Variants in CPEB1 observed in about 807,000 individuals in gnomAD.
CPEB1 encodes the protein cytoplasmic polyadenylation element binding protein 1.
Under a neutral mutation model 65.8 loss-of-function variants are expected in CPEB1, and 7 were observed. The ratio of observed to expected loss-of-function variants is 0.11; its 90% CI spans 0.06 to 0.20. CPEB1 has a LOEUF of 0.20. CPEB1 is among the 10% of genes least tolerant of loss of function. CPEB1 has a pLI of 1.00. For missense variants in CPEB1, 551 were observed against 712.2 expected, an observed-to-expected ratio of 0.77 and a Z score of 2.58; for synonymous variants, 262 against 260.0, an observed-to-expected ratio of 1.01 and a Z score of -0.08.
chr15:82,547,117 G>A, intron 11 of CPEB1, 26 bp downstream of exon 11: 1 of 1,533,888 alleles, frequency 6.5e-7, no homozygotes, highest in African/African-American at 1.4e-5. Context: ...ATACCCCAGA[G>A]TAAGGGCATA....
chr15:82,592,761 C>T (rs2042360467), intron 3 of CPEB1, among the ~76,000 whole-genome samples: 1 of 151,932 alleles, frequency 6.6e-6, no homozygotes. Flanking sequence ...GGCCAAAGTG[C>T]CGAGGTGGGC....
chr15:82,584,922 T>TTTTTTTTTTTTTA (rs2041655554), intron 3 of CPEB1, among the ~76,000 whole-genome samples: 2 of 143,318 alleles, frequency 1.4e-5, no homozygotes, highest in African/African-American at 2.6e-5. Flanking sequence ...TTTTTTTTTT[T>TTTTTTTTTTTTTA]ACAGTGAACA....
At chr15:82,635,762 G>GA (rs1397791012) in intron 1 of CPEB1, among the ~76,000 whole-genome samples, 1 of 152,108 alleles carries the variant, frequency 6.6e-6, no homozygotes, top group Non-Finnish European at 1.5e-5. Flanking sequence ...TAGAAGAGAG[G>GA]AATAAAGTAG....
chr15:82,558,252 C>T (rs1198128452), intron 4 of CPEB1, among the ~76,000 whole-genome samples: 1 of 152,198 alleles, frequency 6.6e-6, no homozygotes, highest in Non-Finnish European at 1.5e-5. Flanking sequence ...ACTACCCAGG[C>T]TTAAAAGGTC....
intron 3 of CPEB1, among the ~76,000 whole-genome samples, chr15:82,620,411 CAA>C (rs2045196666): frequency 7.3e-6 from 1 of 136,444 alleles, no homozygotes; most frequent in Non-Finnish European, 1.5e-5. Flanking sequence ...GGCGACAGAG[CAA>C]GACTCTGTCT....
chr15:82,624,055 T>C (rs2045543827), intron 3 of CPEB1, among the ~76,000 whole-genome samples: 1 of 152,246 alleles, frequency 6.6e-6, no homozygotes, highest in Admixed American at 6.5e-5. Context: ...AAGTTTGGGT[T>C]ATTTCTTAAG....
intron 3 of CPEB1, among the ~76,000 whole-genome samples, chr15:82,606,542 G>C (rs1243547177): frequency 1.7e-5 from 2 of 118,222 alleles, no homozygotes; most frequent in Non-Finnish European, 3.6e-5. Flanking sequence ...AGTAAGGCCG[G>C]GCGCGGTGGC....
intron 3 of CPEB1, among the ~76,000 whole-genome samples, chr15:82,584,763 C>G (rs181391523): frequency 8.1e-4 from 119 of 146,458 alleles, no homozygotes; most frequent in African/African-American, 2.9e-3. Flanking sequence ...AAAAAATTAA[C>G]ACAAAGATAA....
chr15:82,586,537 C>T lies in CPEB1; in HGVS notation c.272-15005G>A, dbSNP rs138527289. 7.2e-4 allele frequency among the ~76,000 whole-genome samples: 109 copies of T among 152,300 alleles called. 1 individual carries two copies. Among genetic ancestry groups the T allele is most frequent in the African/African-American group, 2.5e-3 (102 of 41,566 alleles). ...AATAAATTTGATCTCTCCTTCTCTGCGTTTTTGGTCAGAACCAAAAGTTAC... is the reference window on the plus strand; with the variant it reads ...AATAAATTTGATCTCTCCTTCTCTGTGTTTTTGGTCAGAACCAAAAGTTAC... On this transcript the variant is annotated intron_variant, in intron 3 of 12. Coordinates refer to ENST00000684509, the MANE Select transcript of CPEB1 (RefSeq NM_001365242.1).
chr15:82,638,825 T>C (rs1219679234), intron 1 of CPEB1, among the ~76,000 whole-genome samples: 1 of 152,208 alleles, frequency 6.6e-6, no homozygotes, highest in Non-Finnish European at 1.5e-5. Context: ...ATTTTACTGC[T>C]TCCTCAAGGA....
intron 1 of CPEB1, among the ~76,000 whole-genome samples, chr15:82,643,391 G>A (rs1473241058): frequency 6.6e-6 from 1 of 152,184 alleles, no homozygotes; most frequent in Non-Finnish European, 1.5e-5. Context: ...CAGCACTGTG[G>A]GAGGCTGAGG....
intron 11 of CPEB1, 133 bp downstream of exon 11, chr15:82,547,010 T>C: frequency 1.6e-6 from 1 of 631,934 alleles, no homozygotes; most frequent in South Asian, 2.0e-5. Context: ...TCAATGTTAA[T>C]TCTCAGGAAT....
At position 82,609,638 on chromosome 15, in the gene CPEB1, TA is replaced by T. The variant is rs796133111; in HGVS notation, c.271+17554del. On this transcript the variant is annotated intron_variant, in intron 3 of 12. Transcript: ENST00000684509. Reference sequence around the variant, plus strand: ...GTCGAAATAATGTCTAGAAAAACTATAAAAAAAAAAAACAGAAGTTGGTTCT... The same window carrying T: ...GTCGAAATAATGTCTAGAAAAACTATAAAAAAAAAAACAGAAGTTGGTTCT... Among the ~76,000 whole-genome samples, 398 of 136,522 alleles carry T rather than the reference TA, an allele frequency of 2.9e-3. 4 individuals are homozygous for T. Among genetic ancestry groups the T allele is most frequent in the South Asian group, 0.017 (72 of 4,306 alleles). The allele number at this position is 136,522 out of a possible 152,430, so 89.6% of individuals were successfully genotyped here.
At chr15:82,625,398 T>G (rs1245438209) in intron 3 of CPEB1, among the ~76,000 whole-genome samples, 1 of 152,092 alleles carries the variant, frequency 6.6e-6, no homozygotes, top group African/African-American at 2.4e-5. Context: ...CCTCAAACAT[T>G]ACGCTATTTA....
At chr15:82,573,003 G>T in intron 3 of CPEB1, 1 of 1,522,582 alleles carries the variant, frequency 6.6e-7, no homozygotes, top group Non-Finnish European at 8.8e-7. Flanking sequence ...CACCAGGCAG[G>T]CTGCTCAAAC....
rs1039124162 is a variant in CPEB1 at position 82,553,741 on chromosome 15, C to A, written c.1054+137G>T. 27 of 758,540 alleles carry A rather than the reference C, an allele frequency of 3.6e-5. 1 individual carries two copies. The highest frequency in any genetic ancestry group is 5.0e-5 in the Non-Finnish European group (22 of 436,298). The allele number at this position is 758,540 out of a possible 1,614,324, so 47.0% of individuals were successfully genotyped here. A position where few individuals can be genotyped will look rare whatever the true frequency, so the allele number is the denominator to read the frequency against. On this transcript the variant is annotated intron_variant, in intron 7 of 12. Transcript: ENST00000684509. Reference sequence around the variant, plus strand: ...GCACTATGGGGGTCTATGAAATGCACCTCTCCCCTCAGACACTCATGTAAT... The same window carrying A: ...GCACTATGGGGGTCTATGAAATGCAACTCTCCCCTCAGACACTCATGTAAT...
intron 10 of CPEB1, among the ~76,000 whole-genome samples, chr15:82,548,022 G>T (rs1043560287): frequency 6.6e-6 from 1 of 152,172 alleles, no homozygotes; most frequent in African/African-American, 2.4e-5. Context: ...TTTTAAAACA[G>T]TGGTGACATT....
rs957780283 is a variant in CPEB1, at chr15:82,549,380, A to C, written c.1480+80T>G. On this transcript the variant is annotated intron_variant, in intron 10 of 12. Coordinates refer to ENST00000684509, the MANE Select transcript of CPEB1 (RefSeq NM_001365242.1). ...AGACCTGGGTCAGGCCTCTCTCCTCACTCCCATGGGGAAGTATCACAATCT... is the reference window on the plus strand; with the variant it reads ...AGACCTGGGTCAGGCCTCTCTCCTCCCTCCCATGGGGAAGTATCACAATCT... 3.4e-6 allele frequency: 5 copies of C among 1,460,002 alleles called. No homozygotes were observed. In the Admixed American group the frequency reaches 5.2e-5, roughly 15 times the overall value. The allele number at this position is 1,460,002 out of a possible 1,614,324, so 90.4% of individuals were successfully genotyped here.
intron 3 of CPEB1, chr15:82,571,825 A>G: frequency 1.6e-6 from 2 of 1,218,334 alleles, no homozygotes; most frequent in Non-Finnish European, 2.1e-6. Flanking sequence ...CAGCCGGCTG[A>G]GCCGTGCAAT....
Sources: gnomAD v4.1 joint callset for allele counts (sites outside exome capture counted in the v4.1 genomes callset) on GRCh38, gnomAD v4.1.1 for gene constraint, MANE v1.5 for transcripts, NCBI Gene and HGNC (gene_info 2026-07-23, HGNC 2026-07-21) for gene names.